The following ITCH variants were observed in gnomAD, a reference collection of about 807,000 sequenced individuals.
The protein encoded by ITCH is E3 ubiquitin-protein ligase Itchy homolog.
Under a neutral mutation model 126.8 loss-of-function variants are expected in ITCH, and 28 were observed. The observed-to-expected ratio is 0.22, with a 90% CI of 0.16 to 0.30. ITCH has a LOEUF of 0.30. Ranked by LOEUF, ITCH falls within the 10% of genes least tolerant of loss-of-function variation. The pLI is 1.00. For synonymous variants in ITCH, 342 were observed against 340.0 expected, an observed-to-expected ratio of 1.01 and a Z score of -0.06; for missense variants, 631 against 1,032.4, an observed-to-expected ratio of 0.61 and a Z score of 5.33.
At position 34,424,499 on chromosome 20, in the gene ITCH, T is replaced by C. The variant is rs373751787; in HGVS notation, c.495T>C (p.Asp165=). ...TTAAAGGTGCTTCTCAGAATGATGA[T>C]GGCTCCAGATCCAAGGATGAAACAA... ...TCSESASQND[D]GSRSKDETRV... is the part of the protein sequence containing the mutation. The change falls in exon 7 of 25, where the codon GAT becomes GAC. Residue 165 remains aspartate (D), a synonymous_variant. Transcript: ENST00000374864. 1.5e-5 allele frequency: 25 copies of C among 1,613,494 alleles called. No individual in the cohort carries two copies. The East Asian group carries it at 4.2e-4, about 27-fold the overall frequency.
rs34998924 is a variant in ITCH at position 34,469,222 on chromosome 20, A to AACACAC, written c.1425-803_1425-798dup. 4.1e-3 allele frequency among the ~76,000 whole-genome samples: 609 copies of AACACAC among 149,232 alleles called. 3 individuals are homozygous for AACACAC. Among genetic ancestry groups the AACACAC allele is most frequent in the African/African-American group, 0.01 (420 of 40,660 alleles). On this transcript the variant is annotated intron_variant, in intron 14 of 24. Transcript: ENST00000374864. ...GAATTTGGAGGAAGGGCAAATTATA[A>AACACAC]ACACACACACACACACACACACACA... is the stretch of plus-strand genomic sequence containing the variant.
intron 6 of ITCH, among the ~76,000 whole-genome samples, chr20:34,418,940 T>C (rs2146200821): frequency 6.6e-6 from 1 of 152,098 alleles, no homozygotes; most frequent in African/African-American, 2.4e-5. Flanking sequence ...TTTGTATTTT[T>C]AGTACAGGTG....
At chr20:34,411,759 A>G (rs1979070634) in intron 4 of ITCH, among the ~76,000 whole-genome samples, 1 of 152,188 alleles carries the variant, frequency 6.6e-6, no homozygotes, top group South Asian at 2.1e-4. Flanking sequence ...GGTAGATTAT[A>G]TAGTGCTCCT....
rs540023174 is a variant in ITCH at position 34,445,469 on chromosome 20, G to A, written c.1140+8G>A. On this transcript the variant is annotated splice_region_variant and intron_variant, in intron 11 of 24. Transcript: ENST00000374864. Reference sequence around the variant, plus strand: ...CAGAGATTCATTTATGGGGTGAGCAGCCTGTTGTTTAATAAACTAATAAGA... The same window carrying A: ...CAGAGATTCATTTATGGGGTGAGCAACCTGTTGTTTAATAAACTAATAAGA... The A allele has an allele frequency of 1.2e-6, 2 of 1,613,238 alleles. No homozygotes were observed. The highest frequency in any genetic ancestry group is 2.7e-5 in the African/African-American group (2 of 75,012).
At chr20:34,462,062 TTTTG>T (rs751318283) in intron 13 of ITCH, 27 bp from the exon 14 acceptor site, 37 of 1,609,306 alleles carry the variant, frequency 2.3e-5, no homozygotes, top group Non-Finnish European at 2.9e-5. Context: ...TCTTTAATAT[TTTTG>T]TTTATGTTTT....
At chr20:34,394,428 T>G (rs532767632) in intron 3 of ITCH, among the ~76,000 whole-genome samples, 2 of 152,220 alleles carry the variant, frequency 1.3e-5, no homozygotes, top group South Asian at 4.1e-4. Context: ...ATTAACAGCT[T>G]TATTGAGATA....
At chr20:34,445,580 G>A (rs1009570908) in intron 11 of ITCH, 119 bp downstream of exon 11, 19 of 901,126 alleles carry the variant, frequency 2.1e-5, no homozygotes, top group Non-Finnish European at 3.4e-5. Context: ...AGTTGTTGCT[G>A]TTAGTAGGTA....
rs556127259 is a variant in ITCH, at chr20:34,446,492, G to T, written c.1140+1031G>T. Among the ~76,000 whole-genome samples the T allele has an allele frequency of 5.9e-5, 9 of 152,052 alleles. 1 individual carries two copies. In the South Asian group the frequency reaches 1.9e-3, roughly 32 times the overall value. On this transcript the variant is annotated intron_variant, in intron 11 of 24. Transcript: ENST00000374864. ...ATCAGCAGCCTTCCCTTTGTTCCTT[G>T]GTTATGACTCAGGTACTTTTCTTTC...
At chr20:34,474,911 C>T (rs1184210195) in intron 16 of ITCH, among the ~76,000 whole-genome samples, 1 of 151,718 alleles carries the variant, frequency 6.6e-6, no homozygotes, top group East Asian at 1.9e-4. Context: ...GGGCGGTTGC[C>T]AGGCAGAGGG....
At chr20:34,496,990 C>A (rs1248996462) in intron 23 of ITCH, among the ~76,000 whole-genome samples, 1 of 151,712 alleles carries the variant, frequency 6.6e-6, no homozygotes, top group East Asian at 1.9e-4. Flanking sequence ...AGTGTCCTTT[C>A]CCCCAATGAT....
At chr20:34,438,364 G>A in intron 7 of ITCH, 110 bp from the exon 8 acceptor site, 1 of 1,150,734 alleles carries the variant, frequency 8.7e-7, no homozygotes, top group Non-Finnish European at 1.3e-6. Flanking sequence ...AAGCTTTTTT[G>A]AAGCTCTTAA....
chr20:34,375,408 G>T (rs893912060), intron 2 of ITCH, among the ~76,000 whole-genome samples: 1 of 147,218 alleles, frequency 6.8e-6, no homozygotes, highest in Non-Finnish European at 1.5e-5. Flanking sequence ...TATTTAGCTC[G>T]ATTTAGCCAT....
rs934155771 is a variant in ITCH, at chr20:34,497,821, G to A, written c.2416+5224G>A. On this transcript the variant is annotated intron_variant, in intron 23 of 24. Transcript: ENST00000374864. ...TTGCACTCCTGAACTCCGGTGATCC[G>A]CCCACCTTGGCCTCCCAAAGTGATG... Among the ~76,000 whole-genome samples, 6 of 152,136 alleles carry A rather than the reference G, an allele frequency of 3.9e-5. No homozygotes were observed. The South Asian group carries it at 1.0e-3, about 26-fold the overall frequency.
chr20:34,372,473 C>A (rs1322002359), intron 2 of ITCH, among the ~76,000 whole-genome samples: 3 of 142,812 alleles, frequency 2.1e-5, no homozygotes, highest in Admixed American at 7.1e-5. Context: ...CTCCGCCTCT[C>A]GGGTTCAAGC....
chr20:34,475,737 CAGGCAG>C lies in ITCH; in HGVS notation c.1570-2020_1570-2015del, dbSNP rs910735881. On this transcript the variant is annotated intron_variant, in intron 16 of 24. Transcript: ENST00000374864. ...GGGCAGGGGCAGGGGCAGGCAGAGG[CAGGCAG>C]AGGCAGAGGCAGAGCTGCATACTTT... 2.4e-4 allele frequency among the ~76,000 whole-genome samples: 36 copies of C among 151,534 alleles called. 1 individual carries two copies. Among genetic ancestry groups the C allele is most frequent in the Admixed American group, 3.3e-4 (5 of 15,224 alleles).
In ITCH at chr20:34,414,144, T is replaced by TA. The variant is rs76509681; in HGVS notation, c.475+280dup. 2.6e-3 allele frequency among the ~76,000 whole-genome samples: 360 copies of TA among 137,496 alleles called. 2 individuals carry two copies. In the South Asian group the frequency reaches 0.037, roughly 14 times the overall value. 90.2% of individuals were successfully genotyped at this position (137,496 alleles called of 152,430 possible). On this transcript the variant is annotated intron_variant, in intron 6 of 24. Transcript: ENST00000374864. ...GTGACAGAGTGAGACCTTGTTTCTT[T>TA]AAAAAAAAAAAAAAAGAAATGATTT...
chr20:34,378,802 T>C (rs1245358339), intron 2 of ITCH, among the ~76,000 whole-genome samples: 1 of 152,184 alleles, frequency 6.6e-6, no homozygotes, highest in Non-Finnish European at 1.5e-5. Flanking sequence ...AGAGATTAAC[T>C]GCATTTGCTT....
intron 2 of ITCH, among the ~76,000 whole-genome samples, chr20:34,384,904 C>T (rs903780342): frequency 2.0e-5 from 3 of 152,042 alleles, no homozygotes; most frequent in African/African-American, 7.2e-5. Flanking sequence ...CCTCGTGATC[C>T]ACCTGCCTCG....
chr20:34,503,716 G>A (rs541631599), intron 23 of ITCH, among the ~76,000 whole-genome samples: 18 of 152,028 alleles, frequency 1.2e-4, no homozygotes, highest in African/African-American at 4.3e-4. Context: ...TTTCTCCTTT[G>A]GGACTTATAT....
Sources: allele counts gnomAD v4.1 joint callset (sites outside exome capture counted in the v4.1 genomes callset), GRCh38; gene constraint gnomAD v4.1.1; transcripts MANE v1.5; gene names NCBI Gene and HGNC (gene_info 2026-07-23, HGNC 2026-07-21).